Variants in NCAM1 observed in about 807,000 individuals in gnomAD.
NCAM1 encodes neural cell adhesion molecule 1.
A neutral mutation model predicts 109.8 loss-of-function variants in NCAM1; 14 were observed. The observed-to-expected ratio is 0.13, with a 90% CI of 0.08 to 0.20. The LOEUF (loss-of-function observed/expected upper bound fraction) is 0.20. Ranked by LOEUF, NCAM1 falls within the 10% of genes least tolerant of loss-of-function variation. NCAM1 has a pLI of 1.00. For missense variants in NCAM1, 774 were observed against 1,109.9 expected (o/e 0.70, Z 4.30); for synonymous variants, 418 against 442.9 (o/e 0.94, Z 0.70).
intron 1 of NCAM1, among the ~76,000 whole-genome samples, chr11:113,164,352 C>A (rs1247900732): frequency 6.6e-6 from 1 of 152,196 alleles, no homozygotes; most frequent in Non-Finnish European, 1.5e-5. Context: ...TGAACACCAA[C>A]AAGGTGTCCT....
chr11:113,071,873 C>T (rs985595146), intron 1 of NCAM1, among the ~76,000 whole-genome samples: 6 of 152,082 alleles, frequency 3.9e-5, no homozygotes, highest in Admixed American at 6.6e-5. Flanking sequence ...AGTTAGACAC[C>T]GTGGCTCACA....
chr11:113,055,978 G>GATTGATATAT (rs1953684035), intron 1 of NCAM1, among the ~76,000 whole-genome samples: 1 of 60,048 alleles, frequency 1.7e-5, no homozygotes, highest in Non-Finnish European at 3.3e-5. Context: ...AAGAAAATGT[G>GATTGATATAT]ATATATATAT....
At chr11:113,096,220 G>A (rs1939590690) in intron 1 of NCAM1, among the ~76,000 whole-genome samples, 1 of 152,128 alleles carries the variant, frequency 6.6e-6, no homozygotes, top group African/African-American at 2.4e-5. Context: ...CCAGCAGTGG[G>A]ATACCAAGTG....
chr11:112,969,530 A>G (rs534105158), intron 1 of NCAM1, among the ~76,000 whole-genome samples: 103 of 152,074 alleles, frequency 6.8e-4, no homozygotes, highest in Non-Finnish European at 1.1e-3. Context: ...GTCTGAAGGA[A>G]CCGTCCTGCC....
At chr11:113,213,155 A>G (rs1189803755) in intron 7 of NCAM1, among the ~76,000 whole-genome samples, 1 of 152,228 alleles carries the variant, frequency 6.6e-6, no homozygotes, top group African/African-American at 2.4e-5. Context: ...TTATTTGCCT[A>G]CTTAGGGTTA....
chr11:112,977,912 A>G (rs933568405), intron 1 of NCAM1, among the ~76,000 whole-genome samples: 1 of 151,648 alleles, frequency 6.6e-6, no homozygotes, highest in Non-Finnish European at 1.5e-5. Flanking sequence ...AAATGGGGGG[A>G]TTGTAATTGT....
At chr11:113,101,643 G>A (rs1389262949) in intron 1 of NCAM1, among the ~76,000 whole-genome samples, 1 of 152,102 alleles carries the variant, frequency 6.6e-6, no homozygotes, top group African/African-American at 2.4e-5. Flanking sequence ...ATGTATCAAA[G>A]AAGTAAGATT....
intron 1 of NCAM1, among the ~76,000 whole-genome samples, chr11:112,985,491 C>T (rs1951275768): frequency 6.6e-6 from 1 of 151,564 alleles, no homozygotes; most frequent in African/African-American, 2.4e-5. Flanking sequence ...TCGGTAGCTC[C>T]CTTTTGGTAG....
At chr11:113,158,304 G>A (rs1357361727) in intron 1 of NCAM1, among the ~76,000 whole-genome samples, 1 of 152,132 alleles carries the variant, frequency 6.6e-6, no homozygotes, top group South Asian at 2.1e-4. Context: ...TTGGGAAAAT[G>A]TCTTCCAGAG....
Position 113,240,864 on chromosome 11 carries a change from G to T in NCAM1, c.1826-5504G>T, listed in dbSNP as rs782588150. 1.1e-5 allele frequency: 17 copies of T among 1,601,008 alleles called. No homozygotes were observed. In the African/African-American group the frequency reaches 1.5e-4, roughly 14 times the overall value. Reference sequence around the variant, plus strand: ...TATCATTTTCTTCATCCATCTCTCTGCAGGTCACTTTCCACCAGCCACAGT... The same window carrying T: ...TATCATTTTCTTCATCCATCTCTCTTCAGGTCACTTTCCACCAGCCACAGT... On this transcript the variant is annotated intron_variant, in intron 14 of 19. Coordinates refer to ENST00000316851, the MANE Select transcript of NCAM1 (RefSeq NM_181351.5).
At chr11:113,125,950 G>A (rs998517492) in intron 1 of NCAM1, among the ~76,000 whole-genome samples, 2 of 151,938 alleles carry the variant, frequency 1.3e-5, no homozygotes, top group Non-Finnish European at 2.9e-5. Flanking sequence ...AAGGTCAGGA[G>A]TTCAAGACCA....
At chr11:113,212,777 C>T (rs1944424925) in intron 7 of NCAM1, among the ~76,000 whole-genome samples, 1 of 152,124 alleles carries the variant, frequency 6.6e-6, no homozygotes, top group Non-Finnish European at 1.5e-5. Context: ...TCTAAAACTT[C>T]CCTTTCAATG....
At chr11:113,174,178 C>A (rs1364006906) in intron 1 of NCAM1, among the ~76,000 whole-genome samples, 1 of 152,108 alleles carries the variant, frequency 6.6e-6, no homozygotes, top group East Asian at 1.9e-4. Flanking sequence ...TCCTGGCAAT[C>A]CTGTTCTTTT....
At chr11:113,230,089 A>G (rs1387930124) in intron 9 of NCAM1, among the ~76,000 whole-genome samples, 1 of 152,156 alleles carries the variant, frequency 6.6e-6, no homozygotes, top group Non-Finnish European at 1.5e-5. Flanking sequence ...TAATTAAAAA[A>G]AAAAAGAAAA....
chr11:113,201,738 T>C (rs1944067884), intron 1 of NCAM1, among the ~76,000 whole-genome samples: 1 of 152,140 alleles, frequency 6.6e-6, no homozygotes, highest in South Asian at 2.1e-4. Context: ...CCAAAGGGTG[T>C]CTGACTAATT....
At position 113,231,770 on chromosome 11, in the gene NCAM1, C is replaced by T; in HGVS notation, c.1215C>T (p.Ser405=). ...CCAGCAACACCATCGGCCAGGACTCCCAGTCCATGTACCTTGAAGTGCAAT... is the reference window on the plus strand; with the variant it reads ...CCAGCAACACCATCGGCCAGGACTCTCAGTCCATGTACCTTGAAGTGCAAT... The part of the protein sequence containing the change: ...CTASNTIGQD[S]QSMYLEVQYA... Residue 405 remains serine, a synonymous_variant, in exon 10 of 20, where the codon TCC becomes TCT. Coordinates refer to ENST00000316851, the MANE Select transcript of NCAM1 (RefSeq NM_181351.5). 1.2e-6 allele frequency: 2 copies of T among 1,613,982 alleles called. No individual in the cohort carries two copies. The highest frequency in any genetic ancestry group is 1.7e-6 in the Non-Finnish European group (2 of 1,179,906).
At chr11:112,978,036 A>G (rs192287711) in intron 1 of NCAM1, among the ~76,000 whole-genome samples, 98 of 151,976 alleles carry the variant, frequency 6.4e-4, no homozygotes, top group Non-Finnish European at 1.0e-3. Context: ...ATGTGGTGCA[A>G]TCCCAGTGTG....
intron 1 of NCAM1, among the ~76,000 whole-genome samples, chr11:113,025,778 CGAGAGAGAGAGAGAGAGAGAGA>C (rs199893109): frequency 1.0e-3 from 120 of 118,762 alleles, no homozygotes; most frequent in South Asian, 8.1e-4. Flanking sequence ...CACAGGGAGC[CGAGAGAGAGAGAGAGAGAGAGA>C]GAGAGAGAGA....
intron 1 of NCAM1, among the ~76,000 whole-genome samples, chr11:113,185,702 C>A (rs1215597973): frequency 6.6e-6 from 1 of 152,146 alleles, no homozygotes. Flanking sequence ...TAAAAATAAG[C>A]AATTCCAGGA....
Sources: allele counts gnomAD v4.1 joint callset (sites outside exome capture counted in the v4.1 genomes callset), GRCh38; gene constraint gnomAD v4.1.1; transcripts MANE v1.5; gene names NCBI Gene and HGNC (gene_info 2026-07-23, HGNC 2026-07-21).